RC3H1: variants seen among roughly 807,000 people sequenced by gnomAD.
The protein encoded by RC3H1 is ring finger and CCCH-type domains 1, also known as roquin-1.
Under a neutral mutation model 138.2 loss-of-function variants are expected in RC3H1, and 50 were observed. That is an observed-to-expected ratio of 0.36 (90% CI 0.29 to 0.46). RC3H1 has a LOEUF of 0.46. Ranked by LOEUF, RC3H1 falls within the 20% of genes least tolerant of loss-of-function variation. The pLI, the probability that RC3H1 is intolerant of heterozygous loss-of-function variation, is 1.00. For synonymous variants in RC3H1, 462 were observed against 489.1 expected (o/e 0.94, Z 0.73); for missense variants, 1,031 against 1,388.1 (o/e 0.74, Z 4.09).
chr1:174,015,968 T>G (rs1369621031), intron 1 of RC3H1: 40 of 152,086 alleles, frequency 2.6e-4, no homozygotes, highest in Non-Finnish European at 2.8e-4. Context: ...TGGAAGGCCG[T>G]GGCAGGTAGA....
At chr1:173,983,071 T>C in intron 4 of RC3H1, 169 bp from the exon 5 acceptor site, 2 of 530,250 alleles carry the variant, frequency 3.8e-6, no homozygotes, top group Non-Finnish European at 6.4e-6. Flanking sequence ...AATTTTGTAT[T>C]ACATTCTATA....
chr1:174,013,669 T>G (rs1162959445), intron 1 of RC3H1, among the ~76,000 whole-genome samples: 1 of 152,028 alleles, frequency 6.6e-6, no homozygotes, highest in East Asian at 1.9e-4. Flanking sequence ...CTTGATCGCC[T>G]GACCTCGTGA....
At chr1:173,955,319 C>CTTTT (rs1227853549) in intron 13 of RC3H1, among the ~76,000 whole-genome samples, 3 of 126,672 alleles carry the variant, frequency 2.4e-5, no homozygotes, top group Admixed American at 7.9e-5. Flanking sequence ...GAGATGTTGG[C>CTTTT]TTTTTTTTTT....
intron 2 of RC3H1, among the ~76,000 whole-genome samples, chr1:173,986,539 CTCTCTCCCTCCATG>C (rs1175327740): frequency 1.3e-5 from 2 of 152,032 alleles, no homozygotes; most frequent in African/African-American, 2.4e-5. Flanking sequence ...CTTGGCCTCC[CTCTCTCCCTCCATG>C]TCTCTCCCTC....
intron 19 of RC3H1, among the ~76,000 whole-genome samples, chr1:173,940,997 T>C (rs933879127): frequency 6.6e-6 from 1 of 152,114 alleles, no homozygotes; most frequent in Non-Finnish European, 1.5e-5. Flanking sequence ...AATCTTTGTA[T>C]TTTTAGTAGA....
chr1:173,946,947 C>A (rs1023704818), intron 15 of RC3H1, 111 bp from the exon 16 acceptor site: 2 of 709,034 alleles, frequency 2.8e-6, no homozygotes, highest in Admixed American at 5.7e-5. Context: ...CTGGTATCTA[C>A]CCTAAATGTC....
chr1:173,985,309 C>G (rs1439198445), intron 2 of RC3H1, among the ~76,000 whole-genome samples: 1 of 148,804 alleles, frequency 6.7e-6, no homozygotes, highest in Non-Finnish European at 1.5e-5. Context: ...TTTTGTTTCT[C>G]TTTGGTATAT....
chr1:173,966,944 T>A (rs1160199621), intron 9 of RC3H1, among the ~76,000 whole-genome samples: 1 of 152,214 alleles, frequency 6.6e-6, no homozygotes. Flanking sequence ...AGTCATATAT[T>A]ACTGCTAATT....
At chr1:173,998,410 G>C (rs528457499) in intron 1 of RC3H1, among the ~76,000 whole-genome samples, 4 of 152,242 alleles carry the variant, frequency 2.6e-5, no homozygotes, top group South Asian at 2.1e-4. Context: ...CAAAAATGAC[G>C]AGATTTTACT....
chr1:174,017,783 C>CCAAAAAAAAAAAAAAAAA (rs1165317766), intron 1 of RC3H1, among the ~76,000 whole-genome samples: 4 of 72,032 alleles, frequency 5.6e-5, no homozygotes, highest in African/African-American at 2.3e-4. Context: ...TTTTCTTGCT[C>CCAAAAAAAAAAAAAAAAA]AAAAAAAAAA....
At chr1:174,008,943 C>A (rs1348305814) in intron 1 of RC3H1, among the ~76,000 whole-genome samples, 2 of 146,494 alleles carry the variant, frequency 1.4e-5, no homozygotes, top group Admixed American at 6.9e-5. Context: ...TACCACTGCA[C>A]TCCAGCCTAG....
intron 14 of RC3H1, among the ~76,000 whole-genome samples, chr1:173,950,913 G>A (rs1331859881): frequency 6.6e-6 from 1 of 151,910 alleles, no homozygotes; most frequent in Non-Finnish European, 1.5e-5. Context: ...GCAAGCACCT[G>A]TAGTCTTAGG....
At chr1:173,938,916 A>G in intron 19 of RC3H1, 45 bp from the exon 20 acceptor site, 1 of 1,456,456 alleles carries the variant, frequency 6.9e-7, no homozygotes, top group Non-Finnish European at 9.4e-7. Flanking sequence ...GAGAAAAATG[A>G]TTACTACAAT....
Position 173,983,520 on chromosome 1 carries a change from G to A in RC3H1, c.490C>T (p.Arg164Ter), listed in dbSNP as rs1461591173. The change falls in exon 4 of 20, where the codon CGA becomes TGA. Residue 164 changes from arginine to a stop codon, truncating the protein, a stop_gained. Transcript: ENST00000367696. LOFTEE classifies it high-confidence loss of function. ...AMRAARSLGE[R>*]TVTELILQHQ... Reference sequence around the variant, plus strand: ...TGGAGAATGAGCTCTGTAACTGTTCGTTCACCTAAAGATCGAGCTGCCCTC... The same window carrying A: ...TGGAGAATGAGCTCTGTAACTGTTCATTCACCTAAAGATCGAGCTGCCCTC... The A allele has an allele frequency of 6.2e-7, 1 of 1,614,156 alleles. No individual in the cohort carries two copies. Among genetic ancestry groups the A allele is most frequent in the South Asian group, 1.1e-5 (1 of 91,076 alleles).
chr1:173,948,913 A>G (rs529913598), intron 14 of RC3H1, among the ~76,000 whole-genome samples: 2 of 152,186 alleles, frequency 1.3e-5, no homozygotes, highest in South Asian at 4.2e-4. Flanking sequence ...TACTGATTTA[A>G]GAAAATGAGT....
chr1:173,963,276 C>CT (rs67347506), intron 11 of RC3H1, among the ~76,000 whole-genome samples: 7 of 150,614 alleles, frequency 4.6e-5, no homozygotes, highest in Non-Finnish European at 8.9e-5. Context: ...CCATTCATAA[C>CT]TTTTTTTTTT....
intron 9 of RC3H1, among the ~76,000 whole-genome samples, chr1:173,970,209 CAT>C (rs1215510432): frequency 1.3e-5 from 2 of 152,168 alleles, no homozygotes; most frequent in Admixed American, 6.5e-5. Flanking sequence ...ATCTTTTACA[CAT>C]AGTCTGAAAG....
intron 17 of RC3H1, among the ~76,000 whole-genome samples, chr1:173,944,702 A>G (rs1333211255): frequency 1.3e-5 from 2 of 152,268 alleles, no homozygotes; most frequent in African/African-American, 4.8e-5. Flanking sequence ...TTCTGTTTCT[A>G]TGACAGGAAT....
intron 10 of RC3H1, 45 bp from the exon 11 acceptor site, chr1:173,964,232 T>C (rs764246494): frequency 2.8e-6 from 4 of 1,417,882 alleles, no homozygotes; most frequent in Non-Finnish European, 4.0e-6. Flanking sequence ...ATACTTCTCA[T>C]GTGCATAAAT....
Sources: gnomAD v4.1 joint callset for allele counts (sites outside exome capture counted in the v4.1 genomes callset) on GRCh38, gnomAD v4.1.1 for gene constraint, MANE v1.5 for transcripts, NCBI Gene and HGNC (gene_info 2026-07-23, HGNC 2026-07-21) for gene names.